DPP6: variants seen among roughly 807,000 people sequenced by gnomAD.
DPP6 encodes the protein A-type potassium channel modulatory protein DPP6.
DPP6 carries 69 observed loss-of-function variants against 122.6 expected under a neutral mutation model. The observed-to-expected ratio is 0.56, with a 90% CI of 0.46 to 0.69. The LOEUF is 0.69. Among genes scored for constraint, DPP6 ranks in the 30% least tolerant of loss-of-function variants. The probability of loss-of-function intolerance (pLI) is 0.00; values close to 1 mark genes in which losing one functional copy is unlikely to be tolerated. For missense variants in DPP6, 928 were observed against 1,116.9 expected, an observed-to-expected ratio of 0.83 and a Z score of 2.41; for synonymous variants, 418 against 433.1, an observed-to-expected ratio of 0.97 and a Z score of 0.43.
At chr7:154,194,313 T>C (rs1229883640) in intron 1 of DPP6, among the ~76,000 whole-genome samples, 1 of 152,220 alleles carries the variant, frequency 6.6e-6, no homozygotes, top group Admixed American at 6.5e-5. Flanking sequence ...AAGGGAATTA[T>C]CATAAAAATC....
intron 1 of DPP6, among the ~76,000 whole-genome samples, chr7:154,434,860 G>C (rs1403219714): frequency 6.6e-6 from 1 of 152,084 alleles, no homozygotes; most frequent in Non-Finnish European, 1.5e-5. Flanking sequence ...TTGAGATGGA[G>C]TCTCGCTCTG....
intron 1 of DPP6, among the ~76,000 whole-genome samples, chr7:154,227,145 A>G (rs1800652302): frequency 6.6e-6 from 1 of 151,890 alleles, no homozygotes; most frequent in Non-Finnish European, 1.5e-5. Context: ...CTGTAGCACT[A>G]TTCACAATAG....
intron 1 of DPP6, among the ~76,000 whole-genome samples, chr7:154,136,394 C>G (rs924607001): frequency 2.6e-5 from 4 of 152,148 alleles, no homozygotes; most frequent in Non-Finnish European, 4.4e-5. Flanking sequence ...CCCTAGGAGA[C>G]ATAATTAAAT....
At chr7:154,320,716 C>A (rs1585928893) in intron 1 of DPP6, among the ~76,000 whole-genome samples, 1 of 152,128 alleles carries the variant, frequency 6.6e-6, no homozygotes, top group Admixed American at 6.5e-5. Flanking sequence ...GAACTCCTGG[C>A]CTCAGGTGAT....
chr7:154,506,709 G>A (rs559211102), intron 3 of DPP6, among the ~76,000 whole-genome samples: 13 of 152,200 alleles, frequency 8.5e-5, no homozygotes, highest in African/African-American at 2.4e-4. Flanking sequence ...TTATCTGAAA[G>A]AGAAAAACAT....
the DPP6 span, among the ~76,000 whole-genome samples, chr7:153,784,346 A>G: frequency 6.6e-6 from 1 of 152,242 alleles, no homozygotes; most frequent in Non-Finnish European, 1.5e-5. Flanking sequence ...TCGGAATCAC[A>G]TGATAGTTAA....
chr7:154,023,318 GCACACACACACACACACACACACACACA>G, intron 1 of DPP6, among the ~76,000 whole-genome samples: 1 of 129,618 alleles, frequency 7.7e-6, no homozygotes, highest in Non-Finnish European at 1.6e-5. Flanking sequence ...TTTCTTGTCT[GCACACACACACACACACACACACACACA>G]CACACACACA....
chr7:154,165,513 T>C (rs1302858498), intron 1 of DPP6, among the ~76,000 whole-genome samples: 1 of 151,220 alleles, frequency 6.6e-6, no homozygotes, highest in African/African-American at 2.5e-5. Context: ...GTCCTTTGGG[T>C]ATATACCTAG....
chr7:154,149,018 G>C (rs185687098), intron 1 of DPP6, among the ~76,000 whole-genome samples: 1 of 152,046 alleles, frequency 6.6e-6, no homozygotes, highest in African/African-American at 2.4e-5. Context: ...GGCAGTGCAC[G>C]ATGAGTATGG....
At chr7:154,590,280 C>T (rs1472447429) in intron 5 of DPP6, among the ~76,000 whole-genome samples, 4 of 151,978 alleles carry the variant, frequency 2.6e-5, no homozygotes, top group Non-Finnish European at 2.9e-5. Flanking sequence ...AGAGATGATG[C>T]AAAACCAACC....
the DPP6 span, among the ~76,000 whole-genome samples, chr7:153,786,563 C>T: frequency 6.6e-6 from 1 of 151,268 alleles, no homozygotes; most frequent in Non-Finnish European, 1.5e-5. Context: ...CACGTGAAAC[C>T]CCGTCTCTAC....
At chr7:154,688,134 G>A (rs545615095) in intron 7 of DPP6, among the ~76,000 whole-genome samples, 1 of 152,290 alleles carries the variant, frequency 6.6e-6, no homozygotes, top group Non-Finnish European at 1.5e-5. Context: ...GAGTGTCCTG[G>A]CTGTCCTTGG....
At chr7:153,800,957 TA>T in the DPP6 span, among the ~76,000 whole-genome samples, 3 of 152,226 alleles carry the variant, frequency 2.0e-5, no homozygotes, top group Non-Finnish European at 4.4e-5. Flanking sequence ...TGCATGCAAG[TA>T]TCAAAACATC....
chr7:154,474,509 T>C (rs13240270), intron 2 of DPP6, among the ~76,000 whole-genome samples: 65,230 of 152,126 alleles, frequency 0.43, 15,394 homozygotes, highest in Non-Finnish European at 0.52. Flanking sequence ...AGGAATATTT[T>C]CTGTGTCTTT....
intron 1 of DPP6, among the ~76,000 whole-genome samples, chr7:154,257,756 A>T (rs745563786): frequency 2.0e-5 from 3 of 152,132 alleles, no homozygotes; most frequent in Non-Finnish European, 4.4e-5. Flanking sequence ...TCCAAACCCA[A>T]ATGAGGAAGG....
At position 154,706,443 on chromosome 7, in the gene DPP6, G is replaced by A. The variant is rs140468513; in HGVS notation, c.763-21324G>A. ...TTGGCACTTTTTAAACTTCCTCCCAGCAATTCCCAGACTGGAGAATGTCAG... is the reference window on the plus strand; with the variant it reads ...TTGGCACTTTTTAAACTTCCTCCCAACAATTCCCAGACTGGAGAATGTCAG... On this transcript the variant is annotated intron_variant, in intron 7 of 25. Transcript: ENST00000377770. Among the ~76,000 whole-genome samples, 230 of 152,232 alleles carry A rather than the reference G, an allele frequency of 1.5e-3. 2 individuals carry two copies. The highest frequency in any genetic ancestry group is 5.1e-3 in the African/African-American group (210 of 41,536).
intron 7 of DPP6, among the ~76,000 whole-genome samples, chr7:154,697,943 G>A (rs1840309166): frequency 6.6e-6 from 1 of 152,066 alleles, no homozygotes. Flanking sequence ...CAGTACAGGT[G>A]CTAGGTTCAT....
At chr7:153,920,781 G>A (rs944345949) in intron 1 of DPP6, among the ~76,000 whole-genome samples, 5 of 151,718 alleles carry the variant, frequency 3.3e-5, no homozygotes, top group Non-Finnish European at 7.4e-5. Context: ...GGCTGGTCTC[G>A]AACTCCTGAC....
At chr7:154,655,911 G>A (rs1344948885) in intron 6 of DPP6, among the ~76,000 whole-genome samples, 1 of 152,138 alleles carries the variant, frequency 6.6e-6, no homozygotes, top group Non-Finnish European at 1.5e-5. Flanking sequence ...TGAGCAAGTC[G>A]CTTTGGGCCT....
Sources: allele counts gnomAD v4.1 joint callset (sites outside exome capture counted in the v4.1 genomes callset), GRCh38; gene constraint gnomAD v4.1.1; transcripts MANE v1.5; gene names NCBI Gene and HGNC (gene_info 2026-07-23, HGNC 2026-07-21).